The following CACNB2 variants were observed in gnomAD, a reference collection of about 807,000 sequenced individuals.
The protein encoded by CACNB2 is calcium voltage-gated channel auxiliary subunit beta 2.
CACNB2 carries 42 observed loss-of-function variants against 73.3 expected under a neutral mutation model. The observed-to-expected ratio is 0.57, with a 90% CI of 0.45 to 0.74. CACNB2 has a LOEUF of 0.74. CACNB2 is among the 30% of genes least tolerant of loss of function. CACNB2 has a pLI of 0.00. For missense variants in CACNB2, 940 were observed against 853.0 expected (o/e 1.10, Z -1.27); for synonymous variants, 348 against 310.3 (o/e 1.12, Z -1.28).
At chr10:18,400,161 C>T (rs1441390825) in intron 2 of CACNB2, among the ~76,000 whole-genome samples, 2 of 152,214 alleles carry the variant, frequency 1.3e-5, no homozygotes, top group East Asian at 1.9e-4. Flanking sequence ...ACGTCACTCT[C>T]TTGCATCTTG....
intron 3 of CACNB2, among the ~76,000 whole-genome samples, chr10:18,494,275 G>A (rs556839337): frequency 1.9e-4 from 29 of 152,266 alleles, no homozygotes; most frequent in African/African-American, 6.7e-4. Flanking sequence ...CATTAAAAAT[G>A]TGTCTTACAT....
At chr10:18,479,652 G>T (rs1564597148) in intron 3 of CACNB2, among the ~76,000 whole-genome samples, 1 of 151,932 alleles carries the variant, frequency 6.6e-6, no homozygotes, top group South Asian at 2.1e-4. Context: ...TGATAGTGAG[G>T]TTCTTATGAG....
chr10:18,347,344 ATTT>A (rs201654242), intron 2 of CACNB2, among the ~76,000 whole-genome samples: 1 of 120,824 alleles, frequency 8.3e-6, no homozygotes, highest in Non-Finnish European at 1.7e-5. Context: ...TGCCCGTCTA[ATTT>A]TTTTTTTTTT....
At position 18,539,757 on chromosome 10, in the gene CACNB2, T is replaced by TTGAAGTC. The variant is rs2053963918; in HGVS notation, c.*34_*35insGAAGTCT. 2 of 1,565,504 alleles carry TTGAAGTC rather than the reference T, an allele frequency of 1.3e-6. No individual in the cohort carries two copies. Among genetic ancestry groups the TTGAAGTC allele is most frequent in the Non-Finnish European group, 1.7e-6 (2 of 1,159,222 alleles). On this transcript the variant is annotated 3_prime_UTR_variant, in exon 14 of 14. Transcript: ENST00000324631. ...CCGTTTGTGTTTTTTTTTTTTTTTT[T>TTGAAGTC]TTGAAGTCTTGTATAACTAACAGCA...
chr10:18,451,637 A>T (rs1021038197), intron 3 of CACNB2, among the ~76,000 whole-genome samples: 2 of 152,194 alleles, frequency 1.3e-5, no homozygotes, highest in Non-Finnish European at 2.9e-5. Context: ...CTCCTCTCCC[A>T]GAAGAGAGGA....
chr10:18,169,152 A>G (rs10741003), intron 2 of CACNB2, among the ~76,000 whole-genome samples: 74,067 of 151,852 alleles, frequency 0.49, 18,449 homozygotes, highest in African/African-American at 0.58. Context: ...TAATTTAAAA[A>G]GAAACTGATT....
At chr10:18,344,052 G>A (rs1274390437) in intron 2 of CACNB2, among the ~76,000 whole-genome samples, 1 of 144,352 alleles carries the variant, frequency 6.9e-6, no homozygotes, top group Non-Finnish European at 1.5e-5. Context: ...ATTTTATATT[G>A]CTCAAGCATT....
intron 3 of CACNB2, among the ~76,000 whole-genome samples, chr10:18,404,987 A>G (rs1042468512): frequency 1.3e-5 from 2 of 152,144 alleles, no homozygotes; most frequent in Non-Finnish European, 2.9e-5. Context: ...GTGTGTTTTG[A>G]TGTTGTACAG....
In CACNB2 at chr10:18,304,532, A is replaced by T. The variant is rs545169549; in HGVS notation, c.214-97392A>T. The stretch of plus-strand genomic sequence containing the variant: ...TTTTTCACTCCATTTTTTTTTCCCA[A>T]TGTAACCTAAACCTGTTAATATCTA... On this transcript the variant is annotated intron_variant, in intron 2 of 13. Transcript: ENST00000324631. Among the ~76,000 whole-genome samples the T allele has an allele frequency of 8.5e-5, 13 of 152,064 alleles. No individual in the cohort carries two copies. The South Asian group carries it at 2.7e-3, about 32-fold the overall frequency.
At position 18,382,489 on chromosome 10, in the gene CACNB2, G is replaced by A. The variant is rs1589196739; in HGVS notation, c.214-19435G>A. On this transcript the variant is annotated intron_variant, in intron 2 of 13. Coordinates refer to ENST00000324631, the MANE Select transcript of CACNB2 (RefSeq NM_201596.3). The stretch of plus-strand genomic sequence containing the variant: ...GCTGTACCTATCAACCCATCACCTA[G>A]GTATGAAGCCCAGCATGCATTAGCC... Among the ~76,000 whole-genome samples the A allele has an allele frequency of 2.6e-5, 4 of 151,968 alleles. No homozygotes were observed. The South Asian group carries it at 8.3e-4, about 32-fold the overall frequency.
chr10:18,204,725 A>C (rs758807772), intron 2 of CACNB2, among the ~76,000 whole-genome samples: 3 of 152,192 alleles, frequency 2.0e-5, no homozygotes, highest in Non-Finnish European at 4.4e-5. Context: ...TGTTTTGTTT[A>C]CCGTTATACA....
intron 3 of CACNB2, among the ~76,000 whole-genome samples, chr10:18,408,532 C>T (rs1194487951): frequency 2.0e-5 from 3 of 152,040 alleles, no homozygotes; most frequent in Admixed American, 2.0e-4. Context: ...AGCCACTGTG[C>T]CTGGCCATAC....
intron 2 of CACNB2, among the ~76,000 whole-genome samples, chr10:18,266,971 G>A (rs1009352078): frequency 1.2e-4 from 18 of 152,090 alleles, no homozygotes. Context: ...TTAAAGGCAT[G>A]TGTGTATGTA....
chr10:18,540,880 T>C lies in CACNB2; in HGVS notation c.*1156T>C, dbSNP rs550542834. On this transcript the variant is annotated 3_prime_UTR_variant, in exon 14 of 14. Transcript: ENST00000324631. ...TGCTATATGTTGCTTTAACAACCCA[T>C]TGAGCAGTCAGGGAATGTGAGTAAG... is the stretch of plus-strand genomic sequence containing the variant. 1.3e-5 allele frequency: 2 copies of C among 152,734 alleles called. No individual in the cohort carries two copies. Among genetic ancestry groups the C allele is most frequent in the South Asian group, 2.1e-4 (1 of 4,816 alleles). 9.5% of individuals were successfully genotyped at this position (152,734 alleles called of 1,614,324 possible). A position where few individuals can be genotyped will look rare whatever the true frequency, so the allele number is the denominator to read the frequency against.
At chr10:18,247,813 C>A (rs2036927220) in intron 2 of CACNB2, among the ~76,000 whole-genome samples, 1 of 152,136 alleles carries the variant, frequency 6.6e-6, no homozygotes, top group Non-Finnish European at 1.5e-5. Flanking sequence ...TCTGTGAGGA[C>A]CACCTTTTCT....
intron 3 of CACNB2, among the ~76,000 whole-genome samples, chr10:18,467,332 T>C (rs371323133): frequency 2.6e-5 from 4 of 152,326 alleles, no homozygotes; most frequent in South Asian, 2.1e-4. Context: ...AAATTCAGTA[T>C]TGGCAATTTC....
At chr10:18,281,492 C>T (rs927735782) in intron 2 of CACNB2, among the ~76,000 whole-genome samples, 1 of 152,182 alleles carries the variant, frequency 6.6e-6, no homozygotes, top group Admixed American at 6.5e-5. Context: ...TCTCCAAGGA[C>T]CTCTTTCAGT....
chr10:18,293,835 T>C (rs1164175243), intron 2 of CACNB2, among the ~76,000 whole-genome samples: 1 of 152,254 alleles, frequency 6.6e-6, no homozygotes, highest in African/African-American at 2.4e-5. Flanking sequence ...TTCATGTTAA[T>C]GACTATGATA....
rs769369648 is a variant in CACNB2 at position 18,402,084 on chromosome 10, G to T, written c.333+41G>T. On this transcript the variant is annotated intron_variant, in intron 3 of 13. Transcript: ENST00000324631. Reference sequence around the variant, plus strand: ...CCCTGCCAAGATCTTTGCAAGTTGTGCTGTGCCCCTGATAGACCACCTGTG... The same window carrying T: ...CCCTGCCAAGATCTTTGCAAGTTGTTCTGTGCCCCTGATAGACCACCTGTG... The T allele has an allele frequency of 4.8e-5, 77 of 1,608,686 alleles. 1 individual carries two copies. In the South Asian group the frequency reaches 7.9e-4, roughly 17 times the overall value.
Sources: gnomAD v4.1 joint callset for allele counts (sites outside exome capture counted in the v4.1 genomes callset) on GRCh38, gnomAD v4.1.1 for gene constraint, MANE v1.5 for transcripts, NCBI Gene and HGNC (gene_info 2026-07-23, HGNC 2026-07-21) for gene names.